The following SNAP29 variants were observed in gnomAD, a reference collection of about 807,000 sequenced individuals.
SNAP29 encodes synaptosomal-associated protein 29.
SNAP29 carries 13 observed loss-of-function variants against 27.9 expected under a neutral mutation model. The ratio of observed to expected loss-of-function variants is 0.47; its 90% CI spans 0.30 to 0.74. The LOEUF (loss-of-function observed/expected upper bound fraction) is 0.74, where lower values mean the gene tolerates loss of function less well. SNAP29 is among the 30% of genes least tolerant of loss of function. The pLI, the probability that SNAP29 is intolerant of heterozygous loss-of-function variation, is 0.06. For missense variants in SNAP29, 368 were observed against 336.5 expected (o/e 1.09, Z -0.73); for synonymous variants, 119 against 127.1 (o/e 0.94, Z 0.43).
At chr22:20,881,744 C>G (rs534287737) in intron 3 of SNAP29, among the ~76,000 whole-genome samples, 1 of 152,250 alleles carries the variant, frequency 6.6e-6, no homozygotes, top group South Asian at 2.1e-4. Context: ...TTGGTTCCTG[C>G]CTGTGTCATT....
chr22:20,878,365 C>A (rs1020164855), intron 2 of SNAP29, among the ~76,000 whole-genome samples: 3 of 152,082 alleles, frequency 2.0e-5, no homozygotes, highest in Admixed American at 6.5e-5. Context: ...CACAGTGAAA[C>A]CCTGTCTCTA....
chr22:20,887,648 C>T (rs748252414), intron 4 of SNAP29, 31 bp from the exon 5 acceptor site: 5 of 1,613,908 alleles, frequency 3.1e-6, no homozygotes, highest in Non-Finnish European at 3.4e-6. Context: ...ACTGTTTGCT[C>T]ATGCCTGCGT....
At chr22:20,867,654 G>A (rs1437021500) in intron 1 of SNAP29, among the ~76,000 whole-genome samples, 7 of 152,190 alleles carry the variant, frequency 4.6e-5, no homozygotes, top group Non-Finnish European at 8.8e-5. Context: ...GCACTCAGTC[G>A]CCTGGCCTTC....
intron 2 of SNAP29, chr22:20,870,833 T>G: frequency 2.2e-6 from 1 of 445,856 alleles, no homozygotes; most frequent in South Asian, 2.1e-5. Flanking sequence ...TTCACATAAT[T>G]TTTGCTTTAA....
At chr22:20,872,617 G>A (rs1232153142) in intron 2 of SNAP29, among the ~76,000 whole-genome samples, 1 of 151,972 alleles carries the variant, frequency 6.6e-6, no homozygotes, top group East Asian at 1.9e-4. Flanking sequence ...AGCCAGGATG[G>A]TCTCGACCTC....
chr22:20,887,133 A>G (rs1236787856), intron 4 of SNAP29, among the ~76,000 whole-genome samples: 1 of 151,716 alleles, frequency 6.6e-6, no homozygotes, highest in Non-Finnish European at 1.5e-5. Context: ...GCTGAGGCAG[A>G]AGAATTGCTT....
rs911743326 is a variant in SNAP29, at chr22:20,888,089, C to T, written c.*253C>T. On this transcript the variant is annotated 3_prime_UTR_variant, in exon 5 of 5. Transcript: ENST00000215730. ...TTTGTCTGAGCACAGTAGCCTGGCC[C>T]TGCATATCTTGGGCGTTTGATTACC... is the stretch of plus-strand genomic sequence containing the variant. 8.2e-6 allele frequency: 4 copies of T among 487,168 alleles called. No individual in the cohort carries two copies. Among genetic ancestry groups the T allele is most frequent in the African/African-American group, 7.8e-5 (4 of 51,280 alleles). The allele number at this position is 487,168 out of a possible 1,614,324, so 30.2% of individuals were successfully genotyped here. A position where few individuals can be genotyped will look rare whatever the true frequency, so the allele number is the denominator to read the frequency against.
rs753398204 is a variant in SNAP29 at position 20,859,313 on chromosome 22, A to G, written c.203A>G (p.Tyr68Cys). Residue 68 changes from tyrosine to cysteine, a missense_variant, in exon 1 of 5, where the codon TAC becomes TGC. Transcript: ENST00000215730. The part of the protein sequence containing the change: ...ASTSRSLALM[Y>C]ESEKVGVASS... ...ACCAGCAGGTCCCTGGCCCTCATGT[A>G]CGAGTCCGAGAAGGTTGGGGTCGCC... 1 of 1,613,294 alleles carries G rather than the reference A, an allele frequency of 6.2e-7. No individual in the cohort carries two copies. The highest frequency in any genetic ancestry group is 8.5e-7 in the Non-Finnish European group (1 of 1,179,898).
intron 1 of SNAP29, among the ~76,000 whole-genome samples, chr22:20,867,218 G>A (rs1019412833): frequency 1.1e-4 from 17 of 152,162 alleles, no homozygotes; most frequent in African/African-American, 4.1e-4. Flanking sequence ...CACTTTGCAT[G>A]TGCGTCCTTT....
chr22:20,880,505 CAAA>C (rs763227531), intron 2 of SNAP29, among the ~76,000 whole-genome samples: 2 of 102,408 alleles, frequency 2.0e-5, no homozygotes, highest in Non-Finnish European at 2.1e-5. Flanking sequence ...GACTCCATCT[CAAA>C]AAAAAAAAAA....
At chr22:20,867,255 T>C (rs913896454) in intron 1 of SNAP29, among the ~76,000 whole-genome samples, 2 of 152,016 alleles carry the variant, frequency 1.3e-5, no homozygotes, top group Admixed American at 1.3e-4. Flanking sequence ...CGGAGCTCAC[T>C]CCCCTAGCAG....
chr22:20,869,547 G>C (rs1928536827), intron 1 of SNAP29, among the ~76,000 whole-genome samples: 1 of 152,236 alleles, frequency 6.6e-6, no homozygotes, highest in Non-Finnish European at 1.5e-5. Flanking sequence ...AGGGGACACT[G>C]GTCCTTGAAA....
intron 2 of SNAP29, among the ~76,000 whole-genome samples, chr22:20,874,188 T>C (rs570685604): frequency 5.5e-5 from 8 of 146,640 alleles, no homozygotes; most frequent in Admixed American, 1.4e-4. Flanking sequence ...GAAATGTGTA[T>C]GGCGTGAACC....
intron 1 of SNAP29, chr22:20,859,727 A>G: frequency 3.4e-6 from 1 of 295,684 alleles, no homozygotes; most frequent in Non-Finnish European, 6.5e-6. Context: ...AAAATCTGGC[A>G]CAGGGTTTTG....
At chr22:20,876,334 T>C (rs1928744212) in intron 2 of SNAP29, among the ~76,000 whole-genome samples, 1 of 149,536 alleles carries the variant, frequency 6.7e-6, no homozygotes, top group South Asian at 2.2e-4. Context: ...CTCTGCTCAC[T>C]GTATCCTCCA....
Position 20,890,323 on chromosome 22 carries a change from G to A in SNAP29, c.*2487G>A, listed in dbSNP as rs1929119521. Reference sequence around the variant, plus strand: ...ATTTCATGGAGACAAGCAAAATGGTGCCAGGGCTGGGCTGACTGTGGGATG... The same window carrying A: ...ATTTCATGGAGACAAGCAAAATGGTACCAGGGCTGGGCTGACTGTGGGATG... On this transcript the variant is annotated 3_prime_UTR_variant, in exon 5 of 5. Coordinates refer to ENST00000215730, the MANE Select transcript of SNAP29 (RefSeq NM_004782.4). 2.5e-6 allele frequency: 1 copy of A among 398,620 alleles called. No individual in the cohort carries two copies. The highest frequency in any genetic ancestry group is 3.6e-5 in the East Asian group (1 of 28,076). 24.7% of individuals were successfully genotyped at this position (398,620 alleles called of 1,614,324 possible).
At chr22:20,868,178 A>G (rs1041724550) in intron 1 of SNAP29, among the ~76,000 whole-genome samples, 1 of 152,242 alleles carries the variant, frequency 6.6e-6, no homozygotes, top group African/African-American at 2.4e-5. Flanking sequence ...AGGAGCAGAA[A>G]TGCCAGATAC....
intron 3 of SNAP29, among the ~76,000 whole-genome samples, chr22:20,883,151 A>G (rs1426398712): frequency 6.6e-6 from 1 of 152,190 alleles, no homozygotes; most frequent in African/African-American, 2.4e-5. Flanking sequence ...GCATTATTGC[A>G]GTTCCACTTC....
intron 2 of SNAP29, 101 bp from the exon 3 acceptor site, chr22:20,880,948 T>C: frequency 1.3e-6 from 1 of 791,142 alleles, no homozygotes; most frequent in Non-Finnish European, 2.2e-6. Context: ...GAGGAGGCAT[T>C]TGATTTTTAG....
Sources: allele counts gnomAD v4.1 joint callset (sites outside exome capture counted in the v4.1 genomes callset), GRCh38; gene constraint gnomAD v4.1.1; transcripts MANE v1.5; gene names NCBI Gene and HGNC (gene_info 2026-07-23, HGNC 2026-07-21).